FAM120B: variants seen among roughly 807,000 people sequenced by gnomAD.
FAM120B encodes constitutive coactivator of peroxisome proliferator-activated receptor gamma.
FAM120B carries 83 observed loss-of-function variants against 96.3 expected under a neutral mutation model. The ratio of observed to expected loss-of-function variants is 0.86; its 90% CI spans 0.72 to 1.03. The LOEUF is 1.03. FAM120B is among the 50% of genes least tolerant of loss of function. FAM120B has a pLI of 0.00. For synonymous variants in FAM120B, 407 were observed against 402.7 expected (o/e 1.01, Z -0.13); for missense variants, 1,027 against 1,121.2 (o/e 0.92, Z 1.20).
At chr6:170,340,389 TGTAA>T (rs935204651) in intron 4 of FAM120B, among the ~76,000 whole-genome samples, 2 of 149,648 alleles carry the variant, frequency 1.3e-5, no homozygotes, top group East Asian at 2.4e-4. Flanking sequence ...TAGCAGTTCC[TGTAA>T]GTGTTTATCA....
chr6:170,362,799 A>G (rs528708302), intron 6 of FAM120B, among the ~76,000 whole-genome samples: 2 of 150,246 alleles, frequency 1.3e-5, no homozygotes, highest in African/African-American at 4.9e-5. Flanking sequence ...CTCCCACCTC[A>G]GCCTTCCTAG....
At chr6:170,386,924 C>CAA (rs1356221150) in intron 6 of FAM120B, among the ~76,000 whole-genome samples, 1 of 152,138 alleles carries the variant, frequency 6.6e-6, no homozygotes, top group Non-Finnish European at 1.5e-5. Context: ...TTTTGGAATG[C>CAA]AATATTGATT....
At position 170,318,431 on chromosome 6, in the gene FAM120B, T is replaced by A; in HGVS notation, c.1041T>A (p.Ala347=). 1 of 1,614,240 alleles carries A rather than the reference T, an allele frequency of 6.2e-7. No homozygotes were observed. Among genetic ancestry groups the A allele is most frequent in the Non-Finnish European group, 8.5e-7 (1 of 1,180,050 alleles). Residue 347 remains alanine, a synonymous_variant, in exon 2 of 11, where the codon GCT becomes GCA. Transcript: ENST00000476287. The stretch of plus-strand genomic sequence containing the variant: ...AAGAAGTTCCCATGTGTTCAGATGC[T>A]GAATCCAGGCAAGAAGTTCCCATGT... ...SREEVPMCSD[A]ESRQEVPMCT...
intron 6 of FAM120B, among the ~76,000 whole-genome samples, chr6:170,386,214 G>A (rs926407067): frequency 6.6e-6 from 1 of 152,114 alleles, no homozygotes; most frequent in Non-Finnish European, 1.5e-5. Flanking sequence ...AGAAGCAGAG[G>A]GTATGTGGGA....
At chr6:170,372,420 G>T (rs931099890) in intron 6 of FAM120B, among the ~76,000 whole-genome samples, 2 of 142,374 alleles carry the variant, frequency 1.4e-5, no homozygotes, top group African/African-American at 5.1e-5. Context: ...CTACAGGGGC[G>T]GGGGGGTGGG....
At chr6:170,315,925 G>GAA (rs1784869568) in intron 1 of FAM120B, among the ~76,000 whole-genome samples, 1 of 145,650 alleles carries the variant, frequency 6.9e-6, no homozygotes, top group Non-Finnish European at 1.5e-5. Flanking sequence ...TGTCTCCACT[G>GAA]GAAAAAAAAA....
intron 3 of FAM120B, among the ~76,000 whole-genome samples, chr6:170,326,255 T>G (rs1161944590): frequency 6.6e-6 from 1 of 152,170 alleles, no homozygotes; most frequent in Non-Finnish European, 1.5e-5. Flanking sequence ...GTGCCATTTT[T>G]TACATGCATG....
chr6:170,392,800 A>C (rs1790543379), intron 8 of FAM120B, among the ~76,000 whole-genome samples: 1 of 152,322 alleles, frequency 6.6e-6, no homozygotes, highest in East Asian at 1.9e-4. Flanking sequence ...GTAGCACCCC[A>C]TGAAGGGAGA....
intron 4 of FAM120B, among the ~76,000 whole-genome samples, chr6:170,340,754 G>A (rs1786766189): frequency 6.6e-6 from 1 of 152,214 alleles, no homozygotes; most frequent in Non-Finnish European, 1.5e-5. Flanking sequence ...CTCTTCTGCA[G>A]GTCTGCTGCA....
intron 6 of FAM120B, among the ~76,000 whole-genome samples, chr6:170,374,600 C>G (rs552478018): frequency 6.6e-6 from 1 of 152,320 alleles, no homozygotes; most frequent in East Asian, 1.9e-4. Context: ...CACACCCTGA[C>G]TTCTAAGAAT....
At chr6:170,368,820 T>TGGGG (rs35789983) in intron 6 of FAM120B, among the ~76,000 whole-genome samples, 2 of 139,918 alleles carry the variant, frequency 1.4e-5, no homozygotes, top group Non-Finnish European at 3.0e-5. Context: ...CTGCCGGGGC[T>TGGGG]GGGGGGGGGG....
chr6:170,315,248 A>G (rs1251164019), intron 1 of FAM120B, among the ~76,000 whole-genome samples: 1 of 152,198 alleles, frequency 6.6e-6, no homozygotes, highest in African/African-American at 2.4e-5. Flanking sequence ...TCAGCAAACC[A>G]TGCAAGGCCT....
At chr6:170,371,773 C>T (rs754416621) in intron 6 of FAM120B, among the ~76,000 whole-genome samples, 1 of 152,196 alleles carries the variant, frequency 6.6e-6, no homozygotes, top group Non-Finnish European at 1.5e-5. Flanking sequence ...GTCTGCCATT[C>T]GTTCCGAGAC....
upstream of FAM120B, among the ~76,000 whole-genome samples, chr6:170,291,919 A>G (rs1481331521): frequency 1.3e-5 from 2 of 152,106 alleles, no homozygotes. Flanking sequence ...TCTCCCGGGT[A>G]TCCCCCTCGG....
intron 8 of FAM120B, among the ~76,000 whole-genome samples, chr6:170,391,793 A>G (rs1025035408): frequency 3.3e-5 from 5 of 152,226 alleles, no homozygotes; most frequent in Admixed American, 6.5e-5. Flanking sequence ...TTAAAAAGGA[A>G]ATATACATGG....
chr6:170,300,464 T>C (rs1784117190), intron 1 of FAM120B, among the ~76,000 whole-genome samples: 1 of 152,104 alleles, frequency 6.6e-6, no homozygotes, highest in Non-Finnish European at 1.5e-5. Context: ...AGCAAAACCA[T>C]ATAATTCCAC....
intron 8 of FAM120B, among the ~76,000 whole-genome samples, chr6:170,393,792 G>T (rs997496660): frequency 6.6e-6 from 1 of 152,236 alleles, no homozygotes; most frequent in Admixed American, 6.5e-5. Context: ...ATGTTCTTGG[G>T]TAATGCTGAG....
intron 4 of FAM120B, among the ~76,000 whole-genome samples, chr6:170,334,505 TCAA>T (rs1242412905): frequency 6.6e-6 from 1 of 152,040 alleles, no homozygotes; most frequent in Non-Finnish European, 1.5e-5. Flanking sequence ...AAGAAAGTGC[TCAA>T]CAAGTCTTGG....
At chr6:170,388,173 C>A in intron 6 of FAM120B, 114 bp from the exon 7 acceptor site, 1 of 831,338 alleles carries the variant, frequency 1.2e-6, no homozygotes, top group Non-Finnish European at 2.0e-6. Flanking sequence ...GTGATGCTGT[C>A]CAGTTACTGA....
Sources: allele counts gnomAD v4.1 joint callset (sites outside exome capture counted in the v4.1 genomes callset), GRCh38; gene constraint gnomAD v4.1.1; transcripts MANE v1.5; gene names NCBI Gene and HGNC (gene_info 2026-07-23, HGNC 2026-07-21).